The following WDR64 variants were observed in gnomAD, a reference collection of about 807,000 sequenced individuals.
WDR64 encodes the protein WD repeat domain 64.
WDR64 carries 112 observed loss-of-function variants against 139.3 expected under a neutral mutation model. That is an observed-to-expected ratio of 0.80 (90% CI 0.69 to 0.94). The LOEUF (loss-of-function observed/expected upper bound fraction) is 0.94. Ranked by LOEUF, WDR64 falls within the 40% of genes least tolerant of loss-of-function variation. The pLI is 0.00. For synonymous variants in WDR64, 444 were observed against 437.7 expected, an observed-to-expected ratio of 1.01 and a Z score of -0.18; for missense variants, 1,206 against 1,293.1, an observed-to-expected ratio of 0.93 and a Z score of 1.03.
chr1:241,714,161 T>C (rs2148181286), intron 9 of WDR64, among the ~76,000 whole-genome samples: 1 of 152,298 alleles, frequency 6.6e-6, no homozygotes, highest in African/African-American at 2.4e-5. Flanking sequence ...GAGGCCAGGG[T>C]GGCCTTGTAA....
chr1:241,741,445 CT>C, intron 11 of WDR64, 70 bp from the exon 12 acceptor site: 1 of 1,432,008 alleles, frequency 7.0e-7, no homozygotes, highest in Non-Finnish European at 9.3e-7. Flanking sequence ...AACCCAACTG[CT>C]TGGCTGAAAC....
chr1:241,678,266 G>T (rs1430173230), intron 5 of WDR64, 50 bp downstream of exon 5: 1 of 398,612 alleles, frequency 2.5e-6, no homozygotes, highest in Non-Finnish European at 4.4e-6. Flanking sequence ...GGGCTATGAT[G>T]ATGTTTCCTT....
At chr1:241,748,870 G>A (rs1669867489) in intron 13 of WDR64, among the ~76,000 whole-genome samples, 1 of 150,764 alleles carries the variant, frequency 6.6e-6, no homozygotes, top group African/African-American at 2.4e-5. Flanking sequence ...AACCCAGGAG[G>A]CGGAGCTTGC....
chr1:241,750,996 T>C (rs1007698102), intron 14 of WDR64, among the ~76,000 whole-genome samples: 3 of 152,190 alleles, frequency 2.0e-5, no homozygotes, highest in African/African-American at 4.8e-5. Context: ...AGTGTATTAC[T>C]ATTATTTACT....
chr1:241,790,396 G>T (rs1182162956), intron 24 of WDR64, among the ~76,000 whole-genome samples, 195 bp from the exon 25 acceptor site: 1 of 152,078 alleles, frequency 6.6e-6, no homozygotes, highest in Non-Finnish European at 1.5e-5. Context: ...TTGAGTAGGA[G>T]TTGCTGTGGT....
At chr1:241,712,215 G>C (rs553603777) in intron 9 of WDR64, among the ~76,000 whole-genome samples, 1 of 152,094 alleles carries the variant, frequency 6.6e-6, no homozygotes, top group African/African-American at 2.4e-5. Flanking sequence ...TGGAGCCCCC[G>C]GCACTTATGT....
intron 1 of WDR64, among the ~76,000 whole-genome samples, chr1:241,657,611 C>G (rs1435156780): frequency 6.6e-6 from 1 of 151,956 alleles, no homozygotes; most frequent in Admixed American, 6.6e-5. Context: ...CCTTTTTTTG[C>G]TCATCAGGTC....
At position 241,757,376 on chromosome 1, in the gene WDR64, A is replaced by G; in HGVS notation, c.1864A>G (p.Met622Val). Reference protein sequence around the residue: ...QDGKHAVHLRMSTRDRNMAIP... With the variant: ...QDGKHAVHLRVSTRDRNMAIP... ...TGGGAAACATGCTGTGCATCTGAGA[A>G]TGTCTACTAGAGACAGGAACATGGC... The change falls in exon 15 of 28, where the codon ATG becomes GTG. Residue 622 changes from methionine to valine, a missense_variant. Met to Val is a conservative substitution (Grantham distance 21). Coordinates refer to ENST00000437684, the MANE Select transcript of WDR64 (RefSeq NM_001367482.1). 1 of 1,614,038 alleles carries G rather than the reference A, an allele frequency of 6.2e-7. No homozygotes were observed. Among genetic ancestry groups the G allele is most frequent in the Non-Finnish European group, 8.5e-7 (1 of 1,179,956 alleles).
At chr1:241,673,107 T>A (rs546710958) in intron 3 of WDR64, among the ~76,000 whole-genome samples, 60 of 150,748 alleles carry the variant, frequency 4.0e-4, no homozygotes, top group African/African-American at 1.4e-3. Context: ...AAACACCGCA[T>A]GTTCTCACTC....
At chr1:241,736,059 C>T (rs1188074208) in intron 10 of WDR64, among the ~76,000 whole-genome samples, 1 of 152,050 alleles carries the variant, frequency 6.6e-6, no homozygotes, top group African/African-American at 2.4e-5. Flanking sequence ...GCTACACATC[C>T]ACATAAGGAC....
intron 9 of WDR64, among the ~76,000 whole-genome samples, chr1:241,714,292 T>A (rs1668316080): frequency 6.6e-6 from 1 of 152,098 alleles, no homozygotes; most frequent in South Asian, 2.1e-4. Context: ...CAATAAATAT[T>A]TTTTTAAAAA....
chr1:241,692,013 A>G (rs1287255570), intron 8 of WDR64, among the ~76,000 whole-genome samples: 2 of 150,968 alleles, frequency 1.3e-5, no homozygotes, highest in African/African-American at 4.9e-5. Flanking sequence ...ACTCCATCTC[A>G]AAAAAATAAA....
intron 8 of WDR64, among the ~76,000 whole-genome samples, chr1:241,689,543 C>A (rs1667133858): frequency 6.6e-6 from 1 of 152,142 alleles, no homozygotes; most frequent in Admixed American, 6.5e-5. Context: ...GATGCTCTGA[C>A]AATCCTTAAT....
chr1:241,715,897 C>A (rs1668383197), intron 9 of WDR64, among the ~76,000 whole-genome samples: 1 of 152,094 alleles, frequency 6.6e-6, no homozygotes, highest in African/African-American at 2.4e-5. Context: ...CTCTCATTAA[C>A]CTCAGTGTTC....
intron 14 of WDR64, 143 bp downstream of exon 14, chr1:241,749,865 C>T (rs1344252280): frequency 4.1e-6 from 4 of 966,446 alleles, no homozygotes; most frequent in Non-Finnish European, 6.0e-6. Flanking sequence ...CGTGATGCTC[C>T]TCATTAACTT....
At chr1:241,705,498 C>CA (rs1667907518) in intron 8 of WDR64, among the ~76,000 whole-genome samples, 1 of 150,440 alleles carries the variant, frequency 6.6e-6, no homozygotes, top group South Asian at 2.1e-4. Context: ...GCCGAGATCG[C>CA]GCCACTGCAC....
intron 10 of WDR64, among the ~76,000 whole-genome samples, chr1:241,728,384 GT>G (rs1388888939): frequency 1.3e-5 from 2 of 149,498 alleles, no homozygotes; most frequent in Non-Finnish European, 3.0e-5. Context: ...CATGTTTTTG[GT>G]TTTTTTATTG....
intron 15 of WDR64, among the ~76,000 whole-genome samples, chr1:241,759,790 C>T (rs1234321459): frequency 2.6e-5 from 4 of 152,148 alleles, no homozygotes; most frequent in African/African-American, 9.7e-5. Flanking sequence ...AGTATATTCA[C>T]ATTGTTGCAC....
chr1:241,802,749 G>T lies in WDR64; in HGVS notation c.*1534G>T, dbSNP rs920188244. Among the ~76,000 whole-genome samples the T allele has an allele frequency of 1.3e-5, 2 of 151,872 alleles. No individual in the cohort carries two copies. Among genetic ancestry groups the T allele is most frequent in the African/African-American group, 4.8e-5 (2 of 41,326 alleles). On this transcript the variant is annotated 3_prime_UTR_variant, in exon 28 of 28. Coordinates refer to ENST00000437684, the MANE Select transcript of WDR64 (RefSeq NM_001367482.1). Reference sequence around the variant, plus strand: ...ATGGAATCTAGGTGGTAGGAATACAGGTATTCATTAAAGAACTCTTTCAAA... The same window carrying T: ...ATGGAATCTAGGTGGTAGGAATACATGTATTCATTAAAGAACTCTTTCAAA...
Sources: gnomAD v4.1 joint callset for allele counts (sites outside exome capture counted in the v4.1 genomes callset) on GRCh38, gnomAD v4.1.1 for gene constraint, MANE v1.5 for transcripts, NCBI Gene and HGNC (gene_info 2026-07-23, HGNC 2026-07-21) for gene names.